Variants in HK1 observed in about 807,000 individuals in gnomAD.
HK1 encodes the protein hexokinase 1.
HK1 carries 28 observed loss-of-function variants against 91.6 expected under a neutral mutation model. The ratio of observed to expected loss-of-function variants is 0.31; its 90% confidence interval spans 0.23 to 0.42. HK1 has a LOEUF of 0.42. HK1 is among the 10% of genes least tolerant of loss of function. The probability of loss-of-function intolerance (pLI) is 1.00; values close to 1 mark genes in which losing one functional copy is unlikely to be tolerated. For missense variants in HK1, 770 were observed against 1,219.8 expected (o/e 0.63, Z 5.49); for synonymous variants, 430 against 468.1 (o/e 0.92, Z 1.05).
At chr10:69,290,816 G>A (rs897904540) in intron 3 of HK1, among the ~76,000 whole-genome samples, 1 of 152,184 alleles carries the variant, frequency 6.6e-6, no homozygotes, top group Non-Finnish European at 1.5e-5. Context: ...AGGCTTTTGA[G>A]AGGATTGAAT....
chr10:69,305,996 T>G (rs1263531306), intron 5 of HK1, among the ~76,000 whole-genome samples: 2 of 152,024 alleles, frequency 1.3e-5, no homozygotes, highest in East Asian at 3.9e-4. Flanking sequence ...AAAAGAGACA[T>G]AAGCCACAGT....
intron 12 of HK1, 92 bp from the exon 13 acceptor site, chr10:69,386,231 C>A: frequency 2.2e-6 from 2 of 924,540 alleles, no homozygotes; most frequent in Non-Finnish European, 3.5e-6. Flanking sequence ...AAGCCCTCAG[C>A]AGTTGTTGAC....
intron 7 of HK1, among the ~76,000 whole-genome samples, chr10:69,370,620 C>T (rs1157675992): frequency 2.0e-5 from 3 of 152,060 alleles, no homozygotes; most frequent in Non-Finnish European, 4.4e-5. Context: ...CCTTCCCTCC[C>T]AAGACTTACA....
intron 2 of HK1, among the ~76,000 whole-genome samples, chr10:69,285,522 G>A (rs944387868): frequency 6.6e-6 from 1 of 152,194 alleles, no homozygotes. Context: ...TTATTAAAAT[G>A]TAGAGATATC....
chr10:69,391,034 T>A (rs1207041894), intron 14 of HK1, among the ~76,000 whole-genome samples: 1 of 152,212 alleles, frequency 6.6e-6, no homozygotes, highest in East Asian at 1.9e-4. Flanking sequence ...AAACAGTCGG[T>A]GGTCCTTCTA....
intron 4 of HK1, among the ~76,000 whole-genome samples, chr10:69,296,483 G>T (rs1251399560): frequency 6.6e-6 from 1 of 152,130 alleles, no homozygotes; most frequent in Non-Finnish European, 1.5e-5. Flanking sequence ...TCGGTCTCCA[G>T]CCTCAAAAGA....
At position 69,401,572 on chromosome 10, in the gene HK1, G is replaced by C; in HGVS notation, c.*437G>C. On this transcript the variant is annotated 3_prime_UTR_variant, in exon 18 of 18. Coordinates refer to ENST00000359426, the MANE Select transcript of HK1 (RefSeq NM_000188.3). ...GCAGACACTGCCGGGCCTCCCTCCC[G>C]GGGGCACTGCCTGAAGGCGAGTGTG... is the stretch of plus-strand genomic sequence containing the variant. 2 of 365,448 alleles carry C rather than the reference G, an allele frequency of 5.5e-6. No homozygotes were observed. Among genetic ancestry groups the C allele is most frequent in the Non-Finnish European group, 1.1e-5 (2 of 186,260 alleles). The allele number at this position is 365,448 out of a possible 1,614,324, so 22.6% of individuals were successfully genotyped here. A position where few individuals can be genotyped will look rare whatever the true frequency, so the allele number is the denominator to read the frequency against.
At chr10:69,331,885 A>G (rs2132629939) in intron 1 of HK1, among the ~76,000 whole-genome samples, 1 of 151,088 alleles carries the variant, frequency 6.6e-6, no homozygotes, top group East Asian at 1.9e-4. Flanking sequence ...TCTCAAAAAA[A>G]AAAAAATTTT....
At chr10:69,329,079 C>T (rs2132617212) in intron 1 of HK1, among the ~76,000 whole-genome samples, 1 of 152,168 alleles carries the variant, frequency 6.6e-6, no homozygotes, top group African/African-American at 2.4e-5. Context: ...TGGACTGCTT[C>T]CACTCTTTTC....
chr10:69,369,412 G>C lies in HK1; in HGVS notation c.692-29G>C. The C allele has an allele frequency of 6.2e-7, 1 of 1,614,198 alleles. No homozygotes were observed. The highest frequency in any genetic ancestry group is 8.5e-7 in the Non-Finnish European group (1 of 1,180,006). Reference sequence around the variant, plus strand: ...GGCTCTGCACCCTCCCCGTTGTGTGGTCATAGCTTCTGATCTTGTCCTGCC... The same window carrying C: ...GGCTCTGCACCCTCCCCGTTGTGTGCTCATAGCTTCTGATCTTGTCCTGCC... On this transcript the variant is annotated intron_variant, in intron 6 of 17. Transcript: ENST00000359426. The surrounding 1 kb of genome is among the most constrained non-coding windows in gnomAD (Gnocchi z 4.4).
At chr10:69,351,995 A>G (rs1589526783) in intron 2 of HK1, among the ~76,000 whole-genome samples, 1 of 145,708 alleles carries the variant, frequency 6.9e-6, no homozygotes, top group East Asian at 2.0e-4. Flanking sequence ...AGTTATTTCA[A>G]TTTTTTTTTT....
chr10:69,330,498 G>A (rs1377517023), intron 1 of HK1, among the ~76,000 whole-genome samples: 3 of 152,102 alleles, frequency 2.0e-5, no homozygotes, highest in Non-Finnish European at 4.4e-5. Flanking sequence ...GGCAATTCTT[G>A]CAGTACCTGC....
In HK1 at chr10:69,343,840, T is replaced by C; in HGVS notation, c.77T>C (p.Leu26Pro). The part of the protein sequence containing the change: ...DDQVKKIDKY[L>P]YAMRLSDETL... ...ATCCCCCTCCAGATTGACAAGTATC[T>C]CTATGCCATGCGGCTCTCCGATGAA... The change falls in exon 2 of 18, where the codon CTC (leucine) becomes CCC (proline). Residue 26 changes from leucine to proline, a missense_variant. Physicochemically the swap from Leu to Pro is moderately conservative, Grantham distance 98 (BLOSUM62 -3). This residue lies in a region of HK1 where 449 missense variants were observed against 665.1 expected (regional missense o/e 0.68). Coordinates refer to ENST00000359426, the MANE Select transcript of HK1 (RefSeq NM_000188.3). 6.2e-7 allele frequency: 1 copy of C among 1,613,488 alleles called. No homozygotes were observed. The highest frequency in any genetic ancestry group is 8.5e-7 in the Non-Finnish European group (1 of 1,179,488).
intron 2 of HK1, among the ~76,000 whole-genome samples, chr10:69,345,239 A>G (rs1848491682): frequency 6.6e-6 from 1 of 152,102 alleles, no homozygotes; most frequent in Non-Finnish European, 1.5e-5. Flanking sequence ...ATTAGCATGT[A>G]TATCTCTGAT....
At chr10:69,281,649 T>C (rs553254771) in intron 1 of HK1, among the ~76,000 whole-genome samples, 4 of 152,240 alleles carry the variant, frequency 2.6e-5, no homozygotes, top group Non-Finnish European at 5.9e-5. Context: ...GATTTCTTAA[T>C]CTCTGTTTCC....
intron 4 of HK1, among the ~76,000 whole-genome samples, chr10:69,299,404 G>A (rs1441314914): frequency 1.3e-5 from 2 of 151,430 alleles, no homozygotes; most frequent in Non-Finnish European, 2.9e-5. Flanking sequence ...GTCTCTCTCT[G>A]TTGCCCAGGC....
At chr10:69,314,279 C>G (rs138799003), upstream of HK1, among the ~76,000 whole-genome samples, 79 of 152,306 alleles carry the variant, frequency 5.2e-4, 1 homozygote, top group East Asian at 0.015. Context: ...TGAGTTTCAC[C>G]TGGGGAACTG....
intron 1 of HK1, among the ~76,000 whole-genome samples, chr10:69,322,870 ACGAGAG>A (rs1362955576): frequency 6.6e-6 from 1 of 150,916 alleles, no homozygotes; most frequent in Non-Finnish European, 1.5e-5. Context: ...AGCCTAGGCA[ACGAGAG>A]CGAAACTCCG....
Position 69,288,791 on chromosome 10 carries a change from C to A in HK1, c.-115+21C>A, listed in dbSNP as rs757996031. On this transcript the variant is annotated intron_variant, in intron 3 of 21. Coordinates refer to the HK1 transcript ENST00000360289. ...AATCGGTAAGCTCTGGTGTTTCTTT[C>A]TTTCTTTCTTTTTTTGAGACGTTTT... 7.5e-6 allele frequency: 12 copies of A among 1,609,636 alleles called. No homozygotes were observed. In the South Asian group the frequency reaches 1.3e-4, roughly 18 times the overall value.
Sources: gnomAD v4.1 joint callset for allele counts (sites outside exome capture counted in the v4.1 genomes callset) on GRCh38, gnomAD v4.1.1 for gene constraint, gnomAD v4.1.1 regional missense constraint, Gnocchi (gnomAD v3.1) non-coding constraint, MANE v1.5 for transcripts, NCBI Gene and HGNC (gene_info 2026-07-23, HGNC 2026-07-21) for gene names.